CFTR: variants seen among roughly 807,000 people sequenced by gnomAD.
CFTR encodes cystic fibrosis transmembrane conductance regulator.
In CFTR, 181 loss-of-function variants were observed where a neutral mutation model predicts 171.6. That is an observed-to-expected ratio of 1.05 (90% CI 0.93 to 1.19). The LOEUF (loss-of-function observed/expected upper bound fraction) is 1.19, where lower values mean the gene tolerates loss of function less well. Ranked by LOEUF, CFTR falls within the 50% of genes most tolerant of loss-of-function variation. The pLI, the probability that CFTR is intolerant of heterozygous loss-of-function variation, is 0.00. For synonymous variants in CFTR, 583 were observed against 608.0 expected, an observed-to-expected ratio of 0.96 and a Z score of 0.60; for missense variants, 1,968 against 1,734.7, an observed-to-expected ratio of 1.13 and a Z score of -2.39.
intron 22 of CFTR, among the ~76,000 whole-genome samples, chr7:117,634,021 A>T (rs1213134912): frequency 6.6e-6 from 1 of 152,090 alleles, no homozygotes; most frequent in African/African-American, 2.4e-5. Flanking sequence ...TGAGTTAGGG[A>T]GTATTTCCTC....
intron 5 of CFTR, 70 bp from the exon 6 acceptor site, chr7:117,535,178 T>A (rs1183827159): frequency 1.3e-6 from 2 of 1,521,456 alleles, no homozygotes; most frequent in Non-Finnish European, 9.1e-7. Context: ...CTTTCTTTCA[T>A]ATATGATTGT....
At chr7:117,581,542 G>T (rs1218874537) in intron 11 of CFTR, among the ~76,000 whole-genome samples, 1 of 152,106 alleles carries the variant, frequency 6.6e-6, no homozygotes, top group African/African-American at 2.4e-5. Flanking sequence ...TTATGGGCCA[G>T]CCCTTTATAT....
chr7:117,497,633 G>C (rs777663560), intron 1 of CFTR, among the ~76,000 whole-genome samples: 4 of 152,078 alleles, frequency 2.6e-5, no homozygotes, highest in Admixed American at 6.5e-5. Context: ...CAGATTTGTA[G>C]TAGGCATCAG....
At chr7:117,582,262 G>A (rs1791859638) in intron 11 of CFTR, among the ~76,000 whole-genome samples, 1 of 152,106 alleles carries the variant, frequency 6.6e-6, no homozygotes, top group South Asian at 2.1e-4. Context: ...TTCACAATAA[G>A]CCAGACAGAC....
At chr7:117,529,693 GCATGGTCAT>G (rs1312763584) in intron 3 of CFTR, among the ~76,000 whole-genome samples, 1 of 152,040 alleles carries the variant, frequency 6.6e-6, no homozygotes, top group Non-Finnish European at 1.5e-5. Flanking sequence ...GATGTAGAAA[GCATGGTCAT>G]CTATTGAGAA....
rs1801178 is a variant in CFTR at position 117,559,590 on chromosome 7, A to G, written c.1519A>G (p.Ile507Val). Residue 507 changes from isoleucine (I) to valine (V), a missense_variant, in exon 11 of 27, where the codon ATC becomes GTC. By Grantham distance (29) the Ile-to-Val change is conservative. Transcript: ENST00000003084. ...GCCTGGCACCATTAAAGAAAATATC[A>G]TCTTTGGTGTTTCCTATGATGAATA... ...IMPGTIKENI[I>V]FGVSYDEYRY... 1.0e-4 allele frequency: 168 copies of G among 1,612,694 alleles called. No individual in the cohort carries two copies. The highest frequency in any genetic ancestry group is 1.4e-4 in the Non-Finnish European group (160 of 1,178,992).
At chr7:117,504,756 TAAAA>T (rs372341779) in intron 2 of CFTR, among the ~76,000 whole-genome samples, 1 of 121,104 alleles carries the variant, frequency 8.3e-6, no homozygotes, top group Non-Finnish European at 1.8e-5. Flanking sequence ...CCTCTCTCTC[TAAAA>T]AAAAAAAAAA....
chr7:117,664,525 A>T (rs993093133), intron 24 of CFTR, among the ~76,000 whole-genome samples, 163 bp from the exon 25 acceptor site: 21 of 152,342 alleles, frequency 1.4e-4, no homozygotes, highest in African/African-American at 4.6e-4. Flanking sequence ...TCAAGGTTGT[A>T]AATAGACTTT....
chr7:117,489,973 A>G (rs1798131839), intron 1 of CFTR, among the ~76,000 whole-genome samples: 1 of 151,954 alleles, frequency 6.6e-6, no homozygotes, highest in South Asian at 2.1e-4. Flanking sequence ...GTTGTTCCTG[A>G]TCTTCCCTTG....
At chr7:117,581,096 A>G (rs1791843322) in intron 11 of CFTR, among the ~76,000 whole-genome samples, 1 of 152,194 alleles carries the variant, frequency 6.6e-6, no homozygotes, top group Non-Finnish European at 1.5e-5. Context: ...GTAAAATAAA[A>G]TTAATTGGTC....
chr7:117,660,965 G>C (rs1793270160), intron 24 of CFTR, among the ~76,000 whole-genome samples: 1 of 152,056 alleles, frequency 6.6e-6, no homozygotes, highest in Non-Finnish European at 1.5e-5. Context: ...CTCTCATTAA[G>C]AGCCAGTTGA....
At chr7:117,596,542 C>T (rs995072703) in intron 15 of CFTR, among the ~76,000 whole-genome samples, 14 of 152,368 alleles carry the variant, frequency 9.2e-5, no homozygotes, top group African/African-American at 2.6e-4. Flanking sequence ...AGCCCCAGTG[C>T]GGGATCCACT....
intron 21 of CFTR, among the ~76,000 whole-genome samples, chr7:117,620,492 C>A (rs6943074): frequency 0.033 from 5,049 of 152,180 alleles, 215 homozygotes; most frequent in African/African-American, 0.098. Flanking sequence ...ATGCTAGAGT[C>A]CATTGATTAA....
intron 10 of CFTR, among the ~76,000 whole-genome samples, chr7:117,555,577 A>G (rs1433546372): frequency 6.6e-6 from 1 of 152,204 alleles, no homozygotes. Context: ...ATAAACCTTG[A>G]ATAACATCAA....
chr7:117,534,455 A>G, intron 5 of CFTR, 90 bp downstream of exon 5: 3 of 751,000 alleles, frequency 4.0e-6, no homozygotes, highest in Non-Finnish European at 7.1e-6. Flanking sequence ...GATAATAGTA[A>G]TTAGTGGTTA....
intron 1 of CFTR, among the ~76,000 whole-genome samples, chr7:117,499,983 C>T (rs1484835742): frequency 1.3e-5 from 2 of 152,130 alleles, no homozygotes; most frequent in East Asian, 3.9e-4. Context: ...AAGTGAAAGG[C>T]AGAGCCGAGT....
At chr7:117,632,228 C>T (rs1305656318) in intron 22 of CFTR, among the ~76,000 whole-genome samples, 2 of 152,106 alleles carry the variant, frequency 1.3e-5, no homozygotes, top group African/African-American at 4.8e-5. Flanking sequence ...CCCGACCATG[C>T]TGATGCATTC....
At chr7:117,657,998 C>G (rs1793210088) in intron 24 of CFTR, among the ~76,000 whole-genome samples, 1 of 152,152 alleles carries the variant, frequency 6.6e-6, no homozygotes, top group Non-Finnish European at 1.5e-5. Flanking sequence ...TCCAGAGAGC[C>G]TCCTTTTTCC....
intron 11 of CFTR, among the ~76,000 whole-genome samples, chr7:117,566,256 C>T (rs866815791): frequency 2.7e-5 from 4 of 149,906 alleles, no homozygotes; most frequent in African/African-American, 9.9e-5. Flanking sequence ...AAAACACACA[C>T]ACACACACAC....
Sources: allele counts gnomAD v4.1 joint callset (sites outside exome capture counted in the v4.1 genomes callset), GRCh38; gene constraint gnomAD v4.1.1; transcripts MANE v1.5; gene names NCBI Gene and HGNC (gene_info 2026-07-23, HGNC 2026-07-21).